The following PNPT1 variants were observed in gnomAD, a reference collection of about 807,000 sequenced individuals.
PNPT1 encodes the protein polyribonucleotide nucleotidyltransferase 1, also known as polyribonucleotide nucleotidyltransferase 1, mitochondrial.
In PNPT1, 53 loss-of-function variants were observed where a neutral mutation model predicts 119.5. The observed-to-expected ratio is 0.44, with a 90% CI of 0.36 to 0.56. The LOEUF (loss-of-function observed/expected upper bound fraction) is 0.56. PNPT1 is among the 20% of genes least tolerant of loss of function. PNPT1 has a pLI of 0.00. For synonymous variants in PNPT1, 357 were observed against 322.1 expected (o/e 1.11, Z -1.16); for missense variants, 948 against 938.5 (o/e 1.01, Z -0.13).
intron 12 of PNPT1, 76 bp downstream of exon 12, chr2:55,667,786 T>C (rs1696782746): frequency 1.3e-6 from 2 of 1,525,868 alleles, no homozygotes; most frequent in East Asian, 2.3e-5. Flanking sequence ...AAACTTTCTT[T>C]GATCAAGTTT....
At chr2:55,671,076 C>G (rs926918566) in intron 11 of PNPT1, among the ~76,000 whole-genome samples, 1 of 151,996 alleles carries the variant, frequency 6.6e-6, no homozygotes, top group African/African-American at 2.4e-5. Flanking sequence ...CGAAACAGTT[C>G]GGGGAAGCTT....
intron 15 of PNPT1, among the ~76,000 whole-genome samples, chr2:55,656,690 C>A (rs989634971): frequency 1.4e-4 from 22 of 152,164 alleles, no homozygotes; most frequent in Non-Finnish European, 2.8e-4. Context: ...AAAATATGTA[C>A]ATATTTAAAA....
At chr2:55,650,624 G>A (rs1482971349) in intron 18 of PNPT1, among the ~76,000 whole-genome samples, 88 of 152,048 alleles carry the variant, frequency 5.8e-4, no homozygotes, top group Middle Eastern at 3.4e-3. Flanking sequence ...GAAGTGAGGA[G>A]CGTCTCTGCC....
intron 1 of PNPT1, among the ~76,000 whole-genome samples, chr2:55,691,878 A>ATATATATATATTTTTTTTTT (rs1326804958): frequency 1.2e-4 from 4 of 33,080 alleles, no homozygotes; most frequent in Non-Finnish European, 2.4e-4. Flanking sequence ...ATATATATAT[A>ATATATATATATTTTTTTTTT]TTTTTTTTTT....
rs779097280 is a variant in PNPT1 at position 55,645,418 on chromosome 2, TCTC to T, written c.1750_1752del (p.Glu584del). On this transcript the variant is annotated inframe_deletion, in exon 22 of 28. Transcript: ENST00000447944. Reference sequence around the variant, plus strand: ...ATAGTTTTGTTCATGATCTGTAATATCTCCTTTTTTGCCACTAGAAGAGAAAAA... The same window carrying T: ...ATAGTTTTGTTCATGATCTGTAATATCTTTTTTGCCACTAGAAGAGAAAAA... 1.9e-6 allele frequency: 3 copies of T among 1,609,158 alleles called. No homozygotes were observed. In the African/African-American group the frequency reaches 4.0e-5, roughly 22 times the overall value.
chr2:55,640,755 A>C, intron 25 of PNPT1, 50 bp from the exon 26 acceptor site: 2 of 1,172,946 alleles, frequency 1.7e-6, no homozygotes, highest in East Asian at 4.7e-5. Flanking sequence ...GTATCTGTAT[A>C]TCCATTGACA....
chr2:55,686,277 A>C, intron 3 of PNPT1, 93 bp downstream of exon 3: 2 of 1,156,128 alleles, frequency 1.7e-6, no homozygotes, highest in Non-Finnish European at 1.2e-6. Context: ...GCAAGTTTGT[A>C]TTTTCCACTC....
rs1274354865 is a variant in PNPT1 at position 55,661,964 on chromosome 2, T to TATATCAAGTTATCA, written c.1238_1239insTGATAACTTGATAT (p.Ala414AspfsTer5). 6.4e-7 allele frequency: 1 copy of TATATCAAGTTATCA among 1,567,134 alleles called. No homozygotes were observed. Among genetic ancestry groups the TATATCAAGTTATCA allele is most frequent in the Admixed American group, 2.1e-5 (1 of 47,238 alleles). On this transcript the variant is annotated frameshift_variant, in exon 14 of 28. Coordinates refer to ENST00000447944, the MANE Select transcript of PNPT1 (RefSeq NM_033109.5). LOFTEE classifies it high-confidence loss of function. ...TTAAAAACATAACTTACTTTATAGC[T>TATATCAAGTTATCA]GTTATAACTTGATCTGACTTAATAC...
In PNPT1 at chr2:55,685,058, C is replaced by A. The variant is rs376098570; in HGVS notation, c.298-10G>T. The A allele has an allele frequency of 6.7e-5, 105 of 1,555,690 alleles. No homozygotes were observed. In the African/African-American group the frequency reaches 1.3e-3, roughly 19 times the overall value. On this transcript the variant is annotated splice_polypyrimidine_tract_variant and intron_variant, in intron 3 of 27. Coordinates refer to ENST00000447944, the MANE Select transcript of PNPT1 (RefSeq NM_033109.5). ...TTTGTCTGTAGTCAACCTGAAGCAG[C>A]AATAAAAAAAAGTTCATATAATTCT...
chr2:55,639,331 T>C (rs772876884), intron 26 of PNPT1, among the ~76,000 whole-genome samples: 1 of 152,164 alleles, frequency 6.6e-6, no homozygotes, highest in Non-Finnish European at 1.5e-5. Flanking sequence ...CATGAATTCA[T>C]CTACTCTAAT....
At chr2:55,652,249 C>G (rs1468136040) in intron 18 of PNPT1, among the ~76,000 whole-genome samples, 1 of 152,088 alleles carries the variant, frequency 6.6e-6, no homozygotes, top group Non-Finnish European at 1.5e-5. Context: ...AGGACAGTGC[C>G]TGACTTAGGG....
chr2:55,635,739 C>A lies in PNPT1; in HGVS notation c.*498G>T, dbSNP rs1248410707. On this transcript the variant is annotated 3_prime_UTR_variant, in exon 28 of 28. Coordinates refer to ENST00000447944, the MANE Select transcript of PNPT1 (RefSeq NM_033109.5). ...GATTAGCTCCCTCAACTCACTATAT[C>A]TGTTAACAGTTCTGAAGAAATAGGC... 1 of 152,328 alleles carries A rather than the reference C, an allele frequency of 6.6e-6. No individual in the cohort carries two copies. The highest frequency in any genetic ancestry group is 1.9e-4 in the East Asian group (1 of 5,190). The allele number at this position is 152,328 out of a possible 1,614,324, so 9.4% of individuals were successfully genotyped here.
At chr2:55,672,871 T>A (rs1408195683) in intron 9 of PNPT1, 22 bp downstream of exon 9, 1 of 1,551,236 alleles carries the variant, frequency 6.4e-7, no homozygotes, top group Non-Finnish European at 8.7e-7. Flanking sequence ...TTTCATATTT[T>A]CATTTGCACA....
At chr2:55,684,170 T>C (rs1308678587) in intron 4 of PNPT1, among the ~76,000 whole-genome samples, 1 of 152,190 alleles carries the variant, frequency 6.6e-6, no homozygotes. Context: ...CTACTTTGTG[T>C]CTGAAGACTG....
chr2:55,674,526 G>A (rs1355051359), intron 8 of PNPT1, among the ~76,000 whole-genome samples: 11 of 152,122 alleles, frequency 7.2e-5, no homozygotes, highest in Non-Finnish European at 1.5e-4. Flanking sequence ...CCAGGAGGTG[G>A]AGGTTGCAGT....
intron 27 of PNPT1, among the ~76,000 whole-genome samples, chr2:55,637,117 G>A (rs1572790546): frequency 1.3e-5 from 2 of 152,090 alleles, no homozygotes; most frequent in African/African-American, 4.8e-5. Context: ...ACAAAGAAAG[G>A]GCCAATTTTG....
intron 8 of PNPT1, 140 bp from the exon 9 acceptor site, chr2:55,673,219 C>G: frequency 1.6e-6 from 1 of 610,940 alleles, no homozygotes; most frequent in Non-Finnish European, 2.6e-6. Flanking sequence ...TTTCTTTCCT[C>G]AGAATCAACA....
At chr2:55,688,295 C>T (rs112767098) in intron 1 of PNPT1, among the ~76,000 whole-genome samples, 5 of 152,238 alleles carry the variant, frequency 3.3e-5, no homozygotes, top group African/African-American at 1.2e-4. Flanking sequence ...CTGCCTTGGC[C>T]TCCCAAAGTG....
Position 55,677,292 on chromosome 2 carries a change from C to A in PNPT1, c.679+2390G>T, listed in dbSNP as rs146375217. Among the ~76,000 whole-genome samples the A allele has an allele frequency of 3.3e-4, 50 of 152,330 alleles. 1 individual carries two copies. The highest frequency in any genetic ancestry group is 1.0e-3 in the African/African-American group (42 of 41,572). ...GGGTTTCTGTGGCATGCCACATGTG[C>A]AGCAAAGATTCCTTGGTTCTGCTGG... On this transcript the variant is annotated intron_variant, in intron 8 of 27. Coordinates refer to ENST00000447944, the MANE Select transcript of PNPT1 (RefSeq NM_033109.5).
Sources: gnomAD v4.1 joint callset for allele counts (sites outside exome capture counted in the v4.1 genomes callset) on GRCh38, gnomAD v4.1.1 for gene constraint, MANE v1.5 for transcripts, NCBI Gene and HGNC (gene_info 2026-07-23, HGNC 2026-07-21) for gene names.